CTDSPL: variants seen among roughly 807,000 people sequenced by gnomAD.
The protein encoded by CTDSPL is CTD small phosphatase-like protein.
CTDSPL carries 8 observed loss-of-function variants against 30.5 expected under a neutral mutation model. That is an observed-to-expected ratio of 0.26 (90% CI 0.15 to 0.47). The LOEUF (loss-of-function observed/expected upper bound fraction) is 0.47. Among genes scored for constraint, CTDSPL ranks in the 20% least tolerant of loss-of-function variants. CTDSPL has a pLI of 0.99. For missense variants in CTDSPL, 248 were observed against 366.1 expected (o/e 0.68, Z 2.63); for synonymous variants, 110 against 137.9 (o/e 0.80, Z 1.42).
chr3:37,958,573 A>G (rs1394190264), intron 3 of CTDSPL, among the ~76,000 whole-genome samples: 1 of 152,232 alleles, frequency 6.6e-6, no homozygotes, highest in African/African-American at 2.4e-5. Context: ...TGCAGAACAA[A>G]AGCACTTGTC....
At position 37,964,032 on chromosome 3, in the gene CTDSPL, T is replaced by TAAAAAAAAAAAAAAAAAAA. The variant is rs58061973; in HGVS notation, c.268-520_268-502dup. On this transcript the variant is annotated intron_variant, in intron 3 of 7. Transcript: ENST00000273179. ...CAAGTTTTTTAAAAATCTCAGTCAC[T>TAAAAAAAAAAAAAAAAAAA]AAAAAAAAAAAAAAAAAAAAAAAAA... 8.7e-5 allele frequency among the ~76,000 whole-genome samples: 2 copies of TAAAAAAAAAAAAAAAAAAA among 22,964 alleles called. 1 individual carries two copies. Among genetic ancestry groups the TAAAAAAAAAAAAAAAAAAA allele is most frequent in the Non-Finnish European group, 1.8e-4 (2 of 11,212 alleles). The allele number at this position is 22,964 out of a possible 152,430, so 15.1% of individuals were successfully genotyped here.
chr3:37,929,588 A>G (rs758176734), intron 1 of CTDSPL, among the ~76,000 whole-genome samples: 1 of 152,056 alleles, frequency 6.6e-6, no homozygotes, highest in African/African-American at 2.4e-5. Flanking sequence ...TGGTTTATTC[A>G]TCGTCAGTGT....
chr3:37,930,928 C>G (rs75513592), intron 1 of CTDSPL, among the ~76,000 whole-genome samples: 9,711 of 152,184 alleles, frequency 0.064, 415 homozygotes, highest in Middle Eastern at 0.13. Context: ...TATGTAATAT[C>G]TTTGTTTGTC....
intron 1 of CTDSPL, among the ~76,000 whole-genome samples, chr3:37,891,410 A>G (rs1698323646): frequency 6.6e-6 from 1 of 152,192 alleles, no homozygotes; most frequent in South Asian, 2.1e-4. Context: ...TGTGAAGGAA[A>G]GGGCCCTTCT....
chr3:37,970,839 G>A (rs546598137), intron 5 of CTDSPL, among the ~76,000 whole-genome samples: 5 of 152,336 alleles, frequency 3.3e-5, no homozygotes, highest in Admixed American at 6.5e-5. Context: ...CCTTTATGGT[G>A]TCATAGACAG....
At chr3:37,871,350 T>A (rs890539349) in intron 1 of CTDSPL, among the ~76,000 whole-genome samples, 2 of 152,244 alleles carry the variant, frequency 1.3e-5, no homozygotes, top group African/African-American at 4.8e-5. Context: ...GTTTATCCAT[T>A]CACCTACTGA....
rs779928145 is a variant in CTDSPL, at chr3:37,982,602, C to G, written c.*1735C>G. On this transcript the variant is annotated 3_prime_UTR_variant, in exon 8 of 8. Transcript: ENST00000273179. ...GCTGCCAATTACATCCTCCCAACAGCACTTTGGTCTGTGGACTGCTGTGTG... is the reference window on the plus strand; with the variant it reads ...GCTGCCAATTACATCCTCCCAACAGGACTTTGGTCTGTGGACTGCTGTGTG... The G allele has an allele frequency of 1.1e-5, 5 of 456,706 alleles. No homozygotes were observed. In the East Asian group the frequency reaches 3.5e-4, roughly 32 times the overall value. The allele number at this position is 456,706 out of a possible 1,614,324, so 28.3% of individuals were successfully genotyped here.
chr3:37,866,443 C>G (rs1399600492), intron 1 of CTDSPL, among the ~76,000 whole-genome samples: 7 of 152,006 alleles, frequency 4.6e-5, no homozygotes, highest in African/African-American at 1.7e-4. Context: ...AAAGATTCCT[C>G]TAGGGAGAGG....
At chr3:37,918,248 T>TTA (rs958771926) in intron 1 of CTDSPL, among the ~76,000 whole-genome samples, 1 of 151,506 alleles carries the variant, frequency 6.6e-6, no homozygotes, top group Non-Finnish European at 1.5e-5. Flanking sequence ...CTCTGCAACT[T>TTA]TATTAAAGAA....
At chr3:37,944,509 T>G (rs1407148230) in intron 1 of CTDSPL, among the ~76,000 whole-genome samples, 3 of 149,996 alleles carry the variant, frequency 2.0e-5, no homozygotes, top group Non-Finnish European at 4.5e-5. Context: ...AGTAGGGTCA[T>G]TAGTCCAGAG....
At chr3:37,971,372 A>T (rs919557534) in intron 5 of CTDSPL, 35 bp from the exon 6 acceptor site, 1 of 1,597,486 alleles carries the variant, frequency 6.3e-7, no homozygotes. Flanking sequence ...AGCAACTGCC[A>T]CATCTGACCA....
At chr3:37,951,620 G>A (rs1296967962) in intron 2 of CTDSPL, among the ~76,000 whole-genome samples, 1 of 152,152 alleles carries the variant, frequency 6.6e-6, no homozygotes, top group Non-Finnish European at 1.5e-5. Context: ...GGTCGAGGCT[G>A]CAGTGGGCCA....
At chr3:37,911,426 G>T (rs1391324065) in intron 1 of CTDSPL, among the ~76,000 whole-genome samples, 2 of 152,348 alleles carry the variant, frequency 1.3e-5, no homozygotes, top group Non-Finnish European at 1.5e-5. Flanking sequence ...CGAAAACTGG[G>T]AGAAAATTAA....
chr3:37,885,823 T>C (rs1231256802), intron 1 of CTDSPL, among the ~76,000 whole-genome samples: 1 of 152,202 alleles, frequency 6.6e-6, no homozygotes, highest in Non-Finnish European at 1.5e-5. Context: ...GAGATTTATA[T>C]GCAGGTTTTC....
intron 1 of CTDSPL, among the ~76,000 whole-genome samples, chr3:37,922,003 GCAGA>G (rs1009539079): frequency 1.3e-5 from 2 of 152,188 alleles, no homozygotes; most frequent in Non-Finnish European, 2.9e-5. Context: ...GGAGGCCGAG[GCAGA>G]CAGATCACGA....
intron 1 of CTDSPL, among the ~76,000 whole-genome samples, chr3:37,918,790 A>C (rs1236303618): frequency 6.6e-6 from 1 of 152,042 alleles, no homozygotes; most frequent in Non-Finnish European, 1.5e-5. Flanking sequence ...TGATTCCTTC[A>C]CCCAACAAAC....
intron 2 of CTDSPL, among the ~76,000 whole-genome samples, chr3:37,952,871 A>C (rs1008270728): frequency 3.3e-5 from 5 of 152,344 alleles, no homozygotes; most frequent in African/African-American, 1.2e-4. Context: ...AAACAATAAA[A>C]GTCTATTTTT....
At chr3:37,968,236 C>T (rs1382629708) in intron 5 of CTDSPL, 1 of 460,982 alleles carries the variant, frequency 2.2e-6, no homozygotes, top group South Asian at 1.6e-5. Context: ...GAAAATGCCA[C>T]AAGTCACCCA....
intron 4 of CTDSPL, among the ~76,000 whole-genome samples, chr3:37,965,398 A>T (rs1160377625): frequency 6.6e-6 from 1 of 151,226 alleles, no homozygotes; most frequent in African/African-American, 2.4e-5. Context: ...TTAGTTAACC[A>T]TTTTTTTTTG....
Sources: allele counts gnomAD v4.1 joint callset (sites outside exome capture counted in the v4.1 genomes callset), GRCh38; gene constraint gnomAD v4.1.1; transcripts MANE v1.5; gene names NCBI Gene and HGNC (gene_info 2026-07-23, HGNC 2026-07-21).